The following LPIN2 variants were observed in gnomAD, a reference collection of about 807,000 sequenced individuals.
The protein encoded by LPIN2 is phosphatidate phosphatase LPIN2.
In LPIN2, 55 loss-of-function variants were observed where a neutral mutation model predicts 111.4. The ratio of observed to expected loss-of-function variants is 0.49; its 90% CI spans 0.40 to 0.62. LPIN2 has a LOEUF of 0.62. Among genes scored for constraint, LPIN2 ranks in the 20% least tolerant of loss-of-function variants. The pLI, the probability that LPIN2 is intolerant of heterozygous loss-of-function variation, is 0.00. For missense variants in LPIN2, 992 were observed against 1,112.1 expected (o/e 0.89, Z 1.54); for synonymous variants, 425 against 414.0 (o/e 1.03, Z -0.32).
chr18:2,963,465 T>C (rs1283931474), intron 1 of LPIN2, among the ~76,000 whole-genome samples: 3 of 151,970 alleles, frequency 2.0e-5, no homozygotes, highest in African/African-American at 4.9e-5. Context: ...CACAATGATG[T>C]AACCCAAATG....
chr18:2,991,902 T>G (rs2078270962), intron 1 of LPIN2, among the ~76,000 whole-genome samples: 1 of 151,330 alleles, frequency 6.6e-6, no homozygotes, highest in East Asian at 1.9e-4. Context: ...CCCAGCTACT[T>G]GGGAGGCTGA....
intron 9 of LPIN2, among the ~76,000 whole-genome samples, chr18:2,930,058 T>C (rs536715155): frequency 1.5e-4 from 23 of 152,198 alleles, no homozygotes; most frequent in Non-Finnish European, 2.6e-4. Flanking sequence ...GGGCTTCCCA[T>C]GAATTTTTGT....
At chr18:3,002,236 CA>C (rs765641037) in intron 1 of LPIN2, among the ~76,000 whole-genome samples, 20,519 of 82,896 alleles carry the variant, frequency 0.25, 1,665 homozygotes, top group Non-Finnish European at 0.29. Flanking sequence ...TTCAAAAGAC[CA>C]AAAAAAAAAA....
chr18:2,978,510 G>A (rs2078056014), intron 1 of LPIN2, among the ~76,000 whole-genome samples: 1 of 152,192 alleles, frequency 6.6e-6, no homozygotes, highest in South Asian at 2.1e-4. Context: ...TCTGACCAGT[G>A]CTCATCAAAA....
At position 2,960,784 on chromosome 18, in the gene LPIN2, G is replaced by A; in HGVS notation, c.57C>T (p.Tyr19=). ...GQVIVTVKEL[Y]KGINQATLSG... ...AGAGGGTGGCCTGGTTAATGCCCTTGTAGAGTTCCTTCACAGTGACAATCA... is the reference window on the plus strand; with the variant it reads ...AGAGGGTGGCCTGGTTAATGCCCTTATAGAGTTCCTTCACAGTGACAATCA... Residue 19 remains tyrosine (Y), a synonymous_variant, in exon 2 of 20, where the codon TAC becomes TAT. Coordinates refer to ENST00000677752, the MANE Select transcript of LPIN2 (RefSeq NM_001375808.2). 6.2e-7 allele frequency: 1 copy of A among 1,614,118 alleles called. No homozygotes were observed. The highest frequency in any genetic ancestry group is 8.5e-7 in the Non-Finnish European group (1 of 1,180,024).
At chr18:2,967,687 C>A (rs1185583473) in intron 1 of LPIN2, 1 of 152,182 alleles carries the variant, frequency 6.6e-6, no homozygotes, top group Non-Finnish European at 1.5e-5. Context: ...GAAAGCAGGG[C>A]CACAGACTCC....
intron 1 of LPIN2, among the ~76,000 whole-genome samples, chr18:2,990,345 T>C (rs1285984586): frequency 3.3e-5 from 5 of 152,110 alleles, no homozygotes; most frequent in Admixed American, 1.3e-4. Flanking sequence ...TCAAAGGACA[T>C]GATCAAGAAA....
At chr18:2,961,952 T>C (rs992668741) in intron 1 of LPIN2, among the ~76,000 whole-genome samples, 2 of 152,202 alleles carry the variant, frequency 1.3e-5, no homozygotes, top group African/African-American at 4.8e-5. Flanking sequence ...TACACCCAGC[T>C]TGGAGGCTGC....
intron 1 of LPIN2, among the ~76,000 whole-genome samples, chr18:2,979,850 A>G (rs149542136): frequency 6.6e-6 from 1 of 152,258 alleles, no homozygotes; most frequent in Non-Finnish European, 1.5e-5. Context: ...TGGTCCCTCA[A>G]TATATCCTCT....
intron 1 of LPIN2, among the ~76,000 whole-genome samples, chr18:3,004,647 A>G (rs16944189): frequency 0.086 from 13,071 of 152,158 alleles, 1,372 homozygotes; most frequent in African/African-American, 0.26. Context: ...AGAAGGCACC[A>G]TGTTGGATAC....
At chr18:3,000,688 G>GTTTTTA (rs1157088538) in intron 1 of LPIN2, among the ~76,000 whole-genome samples, 2 of 152,182 alleles carry the variant, frequency 1.3e-5, no homozygotes, top group African/African-American at 2.4e-5. Context: ...GTCTCTGGGT[G>GTTTTTA]TTTTTATGCC....
intron 7 of LPIN2, 144 bp downstream of exon 7, chr18:2,937,544 TAAAA>T (rs71366618): frequency 0.072 from 23,655 of 330,316 alleles, 1 homozygote; most frequent in East Asian, 0.12. Flanking sequence ...AAACTCCAGC[TAAAA>T]AAAAAAAAAA....
chr18:2,937,493 C>T (rs561072730), intron 7 of LPIN2, among the ~76,000 whole-genome samples, 199 bp downstream of exon 7: 5 of 142,350 alleles, frequency 3.5e-5, no homozygotes, highest in African/African-American at 1.1e-4. Flanking sequence ...TGCAGTTAGC[C>T]GAGATCACAC....
intron 1 of LPIN2, among the ~76,000 whole-genome samples, chr18:3,006,311 G>A (rs2078514656): frequency 6.6e-6 from 1 of 152,118 alleles, no homozygotes; most frequent in Non-Finnish European, 1.5e-5. Context: ...ACCCCAAAAT[G>A]CCAAATTTCT....
chr18:2,917,837 GAAT>G lies in LPIN2; in HGVS notation c.*2453_*2455del, dbSNP rs2076992439. ...CATTTCACCAATGGAGTAACTGAGA[GAAT>G]AATGACTTAGAGCCCAATCTGCCTG... On this transcript the variant is annotated 3_prime_UTR_variant, in exon 20 of 20. Coordinates refer to ENST00000677752, the MANE Select transcript of LPIN2 (RefSeq NM_001375808.2). 1 of 152,158 alleles carries G rather than the reference GAAT, an allele frequency of 6.6e-6. No homozygotes were observed. Among genetic ancestry groups the G allele is most frequent in the Admixed American group, 6.5e-5 (1 of 15,276 alleles). The allele number at this position is 152,158 out of a possible 1,614,324, so 9.4% of individuals were successfully genotyped here.
At chr18:2,938,879 G>T (rs1380923287) in intron 6 of LPIN2, among the ~76,000 whole-genome samples, 1 of 152,026 alleles carries the variant, frequency 6.6e-6, no homozygotes, top group African/African-American at 2.4e-5. Flanking sequence ...GTTGGCTGGG[G>T]ATGGCAGCTC....
chr18:3,007,980 T>C (rs1002600486), intron 1 of LPIN2, among the ~76,000 whole-genome samples: 1 of 152,346 alleles, frequency 6.6e-6, no homozygotes, highest in Admixed American at 6.5e-5. Context: ...CATATCATAA[T>C]GCACTGAATA....
At chr18:2,957,975 C>T (rs1055225461) in intron 2 of LPIN2, among the ~76,000 whole-genome samples, 1 of 151,124 alleles carries the variant, frequency 6.6e-6, no homozygotes, top group African/African-American at 2.4e-5. Context: ...AACCCCATCT[C>T]TACTAAAAAC....
At chr18:2,996,748 A>G (rs9945402) in intron 1 of LPIN2, among the ~76,000 whole-genome samples, 38,614 of 151,876 alleles carry the variant, frequency 0.25, 5,024 homozygotes, top group South Asian at 0.29. Flanking sequence ...AAGTGCTGGG[A>G]TTACAGGCGT....
Sources: gnomAD v4.1 joint callset for allele counts (sites outside exome capture counted in the v4.1 genomes callset) on GRCh38, gnomAD v4.1.1 for gene constraint, MANE v1.5 for transcripts, NCBI Gene and HGNC (gene_info 2026-07-23, HGNC 2026-07-21) for gene names.